AARS2: variants seen among roughly 807,000 people sequenced by gnomAD.
The protein encoded by AARS2 is alanyl-tRNA synthetase 2, mitochondrial.
A neutral mutation model predicts 119.7 loss-of-function variants in AARS2; 78 were observed. The observed-to-expected ratio is 0.65, with a 90% CI of 0.54 to 0.79. The LOEUF (loss-of-function observed/expected upper bound fraction) is 0.79. AARS2 is among the 30% of genes least tolerant of loss of function. The pLI is 0.00. For missense variants in AARS2, 1,157 were observed against 1,291.3 expected (o/e 0.90, Z 1.59); for synonymous variants, 502 against 526.3 (o/e 0.95, Z 0.63).
intron 2 of AARS2, among the ~76,000 whole-genome samples, chr6:44,311,831 G>A (rs188387340): frequency 4.3e-4 from 66 of 152,278 alleles, no homozygotes; most frequent in Admixed American, 4.2e-3. Flanking sequence ...AAGCACCTTA[G>A]CATTGCTGTT....
Position 44,304,688 on chromosome 6 carries a change from C to A in AARS2, c.1709G>T (p.Gly570Val), listed in dbSNP as rs1321697289. ...CAGGTAGCCACGGTCTGAAGCCTGGCCCCCCTGTTCTGCGTAGAAGTTGGT... is the reference window on the plus strand; with the variant it reads ...CAGGTAGCCACGGTCTGAAGCCTGGACCCCCTGTTCTGCGTAGAAGTTGGT... ...DRTNFYAEQGGQASDRGYLVR... is the reference protein window; with the variant it reads ...DRTNFYAEQGVQASDRGYLVR... The change falls in exon 12 of 22, where the codon GGC becomes GTC. Residue 570 changes from glycine to valine, a missense_variant. Gly to Val is a moderately radical substitution (Grantham distance 109, BLOSUM62 -3). Coordinates refer to ENST00000244571, the MANE Select transcript of AARS2 (RefSeq NM_020745.4). The A allele has an allele frequency of 1.9e-6, 3 of 1,614,114 alleles. No individual in the cohort carries two copies. Among genetic ancestry groups the A allele is most frequent in the Non-Finnish European group, 1.7e-6 (2 of 1,180,046 alleles).
rs755812663 is a variant in AARS2, at chr6:44,305,117, C to A, written c.1516G>T (p.Gly506Ter). Residue 506 changes from glycine (G) to a stop codon, truncating the protein, a stop_gained, in exon 11 of 22, where the codon GGA becomes TGA. Coordinates refer to ENST00000244571, the MANE Select transcript of AARS2 (RefSeq NM_020745.4). LOFTEE classifies it high-confidence loss of function. This position sits in a 1 kb window ranked among gnomAD's most constrained non-coding sequence, Gnocchi z 4.6. ...VHALGELQRQ[G>*]VPPTDDSPKY... is the part of the protein sequence containing the mutation. ...GGGCTGTCGTCAGTTGGGGGCACTC[C>A]TTGGCGCTGCAGCTCCCCAAGCGCA... 3 of 1,613,940 alleles carry A rather than the reference C, an allele frequency of 1.9e-6. No individual in the cohort carries two copies. Among genetic ancestry groups the A allele is most frequent in the Non-Finnish European group, 2.5e-6 (3 of 1,180,042 alleles).
intron 4 of AARS2, 133 bp downstream of exon 4, chr6:44,310,861 T>C: frequency 8.8e-7 from 1 of 1,137,008 alleles, no homozygotes; most frequent in Non-Finnish European, 1.3e-6. Flanking sequence ...CTATAAGGTG[T>C]TGAGAATTGT....
intron 5 of AARS2, among the ~76,000 whole-genome samples, chr6:44,309,353 A>G (rs955577940): frequency 3.9e-5 from 6 of 152,218 alleles, no homozygotes; most frequent in Non-Finnish European, 8.8e-5. Flanking sequence ...AGACCAAAGA[A>G]TGAGCCAGCT....
intron 21 of AARS2, 187 bp from the exon 22 acceptor site, chr6:44,300,898 C>T (rs1232550534): frequency 2.3e-5 from 18 of 776,884 alleles, no homozygotes; most frequent in South Asian, 1.3e-4. Context: ...GGTGTATGAA[C>T]GTGAACATCT....
At chr6:44,303,253 C>A in intron 15 of AARS2, 33 bp downstream of exon 15, 1 of 1,614,080 alleles carries the variant, frequency 6.2e-7, no homozygotes, top group Non-Finnish European at 8.5e-7. Flanking sequence ...AAGGAGGCCC[C>A]CGATCTCCAG....
intron 7 of AARS2, 107 bp downstream of exon 7, chr6:44,306,816 G>A (rs1011644317): frequency 9.5e-6 from 10 of 1,049,980 alleles, no homozygotes; most frequent in South Asian, 2.6e-5. Context: ...TCGATATTTA[G>A]GGTGGGGACC....
Position 44,307,280 on chromosome 6 carries a change from C to G in AARS2, c.1009G>C (p.Asp337His), listed in dbSNP as rs528812071. 3.1e-6 allele frequency: 5 copies of G among 1,613,876 alleles called. No individual in the cohort carries two copies. The African/African-American group carries it at 4.0e-5, about 13-fold the overall frequency. The change falls in exon 6 of 22, where the codon GAT (aspartate) becomes CAT (histidine). Residue 337 changes from aspartate (D) to histidine (H), a missense_variant. Physicochemically the swap from Asp to His is moderately conservative, Grantham distance 81. Transcript: ENST00000244571. This position sits in a 1 kb window ranked among gnomAD's most constrained non-coding sequence, Gnocchi z 4.4. ...HIRTLSVCIS[D>H]GIFPGMSGPP... ...CCTGACATCCCAGGGAAGATGCCAT[C>G]AGAGATGCAGACACTGAGTGTGCGG...
At position 44,307,143 on chromosome 6, in the gene AARS2, C is replaced by T; in HGVS notation, c.1040+106G>A. On this transcript the variant is annotated intron_variant, in intron 6 of 21. Transcript: ENST00000244571. This position sits in a 1 kb window ranked among gnomAD's most constrained non-coding sequence, Gnocchi z 4.4. ...CTCCCACCTCAAAGCTCTCCCTCTC[C>T]CCATTCCTCCTACTGGCTCAACCAG... 6.3e-7 allele frequency: 1 copy of T among 1,592,354 alleles called. No homozygotes were observed. The highest frequency in any genetic ancestry group is 8.6e-7 in the Non-Finnish European group (1 of 1,165,778).
At position 44,313,169 on chromosome 6, in the gene AARS2, T is replaced by A; in HGVS notation, c.155A>T (p.Asp52Val). Residue 52 changes from aspartate (D) to valine (V), a missense_variant, in exon 1 of 22, where the codon GAC becomes GTC. By Grantham distance (152) the Asp-to-Val change is radical. Transcript: ENST00000244571. ...VRAAFLNFFR[D>V]RHGHRLVPSA... Reference sequence around the variant, plus strand: ...GGGCACCAGCCGGTGGCCATGGCGGTCCCGAAAGAAGTTCAGAAAGGCGGC... The same window carrying A: ...GGGCACCAGCCGGTGGCCATGGCGGACCCGAAAGAAGTTCAGAAAGGCGGC... The A allele has an allele frequency of 6.2e-7, 1 of 1,613,014 alleles. No homozygotes were observed. The highest frequency in any genetic ancestry group is 8.5e-7 in the Non-Finnish European group (1 of 1,179,734).
intron 14 of AARS2, among the ~76,000 whole-genome samples, chr6:44,303,827 C>T (rs374907397): frequency 8.0e-4 from 122 of 152,288 alleles, no homozygotes; most frequent in Admixed American, 2.3e-3. Context: ...GTGTAAGAAG[C>T]GCAGGGAGAC....
At chr6:44,310,048 C>A (rs1289265816) in intron 5 of AARS2, among the ~76,000 whole-genome samples, 2 of 152,154 alleles carry the variant, frequency 1.3e-5, no homozygotes, top group Admixed American at 1.3e-4. Context: ...CTGTACCAAA[C>A]ACAAAGGATT....
Position 44,305,554 on chromosome 6 carries a change from TC to T in AARS2, c.1434+98del, listed in dbSNP as rs1242801504. ...TGAGGGGACAGATCCTATCTCAGCC[TC>T]TTGATTCCTCTCAATATTCACAGCT... On this transcript the variant is annotated intron_variant, in intron 10 of 21. Transcript: ENST00000244571. This position sits in a 1 kb window ranked among gnomAD's most constrained non-coding sequence, Gnocchi z 4.6. 6.4e-6 allele frequency: 10 copies of T among 1,573,626 alleles called. No homozygotes were observed. Among genetic ancestry groups the T allele is most frequent in the Non-Finnish European group, 8.7e-6 (10 of 1,147,740 alleles).
chr6:44,307,559 G>A lies in AARS2; in HGVS notation c.895-165C>T. The A allele has an allele frequency of 1.2e-6, 1 of 839,738 alleles. No individual in the cohort carries two copies. Among genetic ancestry groups the A allele is most frequent in the Non-Finnish European group, 1.8e-6 (1 of 540,604 alleles). 52.0% of individuals were successfully genotyped at this position (839,738 alleles called of 1,614,324 possible). On this transcript the variant is annotated intron_variant, in intron 5 of 21. Coordinates refer to ENST00000244571, the MANE Select transcript of AARS2 (RefSeq NM_020745.4). This position sits in a 1 kb window ranked among gnomAD's most constrained non-coding sequence, Gnocchi z 4.4. ...AAGCCTCACAGATGAGCACAAGCCA[G>A]GCCCTGCCCTCACGGGGCTCATATT... is the stretch of plus-strand genomic sequence containing the variant.
intron 18 of AARS2, 89 bp from the exon 19 acceptor site, chr6:44,302,259 C>T: frequency 1.2e-6 from 2 of 1,609,548 alleles, no homozygotes; most frequent in Non-Finnish European, 1.7e-6. Flanking sequence ...AGACACCCAC[C>T]CTGCAGACAA....
At chr6:44,311,213 G>A in intron 3 of AARS2, 52 bp from the exon 4 acceptor site, 1 of 1,611,310 alleles carries the variant, frequency 6.2e-7, no homozygotes, top group Non-Finnish European at 8.5e-7. Flanking sequence ...CAGAAGCTGG[G>A]ACTCTCTCTG....
At chr6:44,306,189 T>C in intron 9 of AARS2, 91 bp downstream of exon 9, 1 of 1,207,504 alleles carries the variant, frequency 8.3e-7, no homozygotes, top group South Asian at 1.2e-5. Context: ...GGGGTGGATA[T>C]GAGGCATGGG....
chr6:44,311,302 G>T, intron 3 of AARS2, 88 bp downstream of exon 3: 1 of 1,605,854 alleles, frequency 6.2e-7, no homozygotes, highest in Non-Finnish European at 8.5e-7. Flanking sequence ...GGAATGAAAT[G>T]CTAAGACTCT....
intron 5 of AARS2, among the ~76,000 whole-genome samples, chr6:44,308,904 G>T (rs532692081): frequency 1.3e-5 from 2 of 152,250 alleles, no homozygotes; most frequent in South Asian, 4.1e-4. Context: ...GCCCAGCCCT[G>T]AGAACTCTTC....
Sources: gnomAD v4.1 joint callset for allele counts (sites outside exome capture counted in the v4.1 genomes callset) on GRCh38, gnomAD v4.1.1 for gene constraint, Gnocchi (gnomAD v3.1) non-coding constraint, MANE v1.5 for transcripts, NCBI Gene and HGNC (gene_info 2026-07-23, HGNC 2026-07-21) for gene names.